Variants in PCDHA2 observed in about 807,000 individuals in gnomAD.
The protein encoded by PCDHA2 is protocadherin alpha-2.
PCDHA2 carries 58 observed loss-of-function variants against 66.0 expected under a neutral mutation model. That is an observed-to-expected ratio of 0.88 (90% CI 0.71 to 1.09). The LOEUF (loss-of-function observed/expected upper bound fraction) is 1.09, where lower values mean the gene tolerates loss of function less well. PCDHA2 is among the 50% of genes least tolerant of loss of function. The pLI, the probability that PCDHA2 is intolerant of heterozygous loss-of-function variation, is 0.00. For missense variants in PCDHA2, 1,267 were observed against 1,242.3 expected (o/e 1.02, Z -0.30); for synonymous variants, 634 against 554.0 (o/e 1.14, Z -2.03).
chr5:140,807,729 A>C (rs1554124228), intron 1 of PCDHA2: 7 of 1,614,208 alleles, frequency 4.3e-6, no homozygotes, highest in Non-Finnish European at 5.9e-6. Context: ...TTTTCTCTGG[A>C]AAAACCACCT....
In PCDHA2 at chr5:140,876,316, A is replaced by G. The variant is rs782671827; in HGVS notation, c.2388+78964A>G. ...TAATGGAGAAATTTCCTATGGGATC[A>G]AAATGATTTTGCCAGTGAGTGAGAA... is the stretch of plus-strand genomic sequence containing the variant. On this transcript the variant is annotated intron_variant, in intron 1 of 3. Transcript: ENST00000526136. 4 of 1,613,952 alleles carry G rather than the reference A, an allele frequency of 2.5e-6. No individual in the cohort carries two copies. Among genetic ancestry groups the G allele is most frequent in the Admixed American group, 3.3e-5 (2 of 60,018 alleles).
chr5:140,831,837 T>C (rs1771726817), intron 1 of PCDHA2, among the ~76,000 whole-genome samples: 1 of 152,194 alleles, frequency 6.6e-6, no homozygotes, highest in Non-Finnish European at 1.5e-5. Flanking sequence ...GTTTCAATGA[T>C]AGAATTGTCA....
chr5:140,883,403 T>G, intron 1 of PCDHA2: 1 of 1,614,168 alleles, frequency 6.2e-7, no homozygotes, highest in Non-Finnish European at 8.5e-7. Context: ...CGATCGTGAC[T>G]CTGGCTCAAA....
At chr5:140,836,023 G>A in intron 1 of PCDHA2, 7 of 1,613,414 alleles carry the variant, frequency 4.3e-6, no homozygotes, top group Non-Finnish European at 5.9e-6. Flanking sequence ...CCTCTGGGCA[G>A]CAACGTGACG....
chr5:140,942,532 A>G (rs1474733493), intron 1 of PCDHA2, among the ~76,000 whole-genome samples: 2 of 152,142 alleles, frequency 1.3e-5, no homozygotes, highest in Non-Finnish European at 2.9e-5. Context: ...CAACTAACTC[A>G]GTATGGTGGG....
intron 1 of PCDHA2, among the ~76,000 whole-genome samples, chr5:140,961,654 T>G (rs1554225528): frequency 6.6e-6 from 1 of 152,194 alleles, no homozygotes; most frequent in East Asian, 1.9e-4. Context: ...TGTGGTTAGT[T>G]TGAAGTTACC....
intron 3 of PCDHA2, among the ~76,000 whole-genome samples, chr5:141,006,369 G>A (rs2098270445): frequency 1.3e-5 from 2 of 151,784 alleles, no homozygotes; most frequent in Admixed American, 6.6e-5. Context: ...CCACCACCAC[G>A]CCCGGCTAAG....
In PCDHA2 at chr5:140,795,134, A is replaced by C. The variant is rs148377577; in HGVS notation, c.170A>C (p.Glu57Ala). ...GCGCAGGACCTGGGGCTGGAGCTGG[A>C]GGAGCTGGTGCCGCGCCTGTTCCGG... is the stretch of plus-strand genomic sequence containing the variant. ...RIAQDLGLEL[E>A]ELVPRLFRVA... is the part of the protein sequence containing the mutation. Residue 57 changes from glutamate to alanine, a missense_variant, in exon 1 of 4, where the codon GAG becomes GCG. Glu to Ala is a moderately radical substitution (Grantham distance 107). Transcript: ENST00000526136. 349 of 1,614,006 alleles carry C rather than the reference A, an allele frequency of 2.2e-4. 1 individual carries two copies. The African/African-American group carries it at 3.7e-3, about 17-fold the overall frequency.
rs2096251750 is a variant in PCDHA2 at position 140,968,509 on chromosome 5, C to T, written c.2389-10440C>T. 3 of 1,614,162 alleles carry T rather than the reference C, an allele frequency of 1.9e-6. No individual in the cohort carries two copies. In the South Asian group the frequency reaches 3.3e-5, roughly 18 times the overall value. On this transcript the variant is annotated intron_variant, in intron 1 of 3. Coordinates refer to ENST00000526136, the MANE Select transcript of PCDHA2 (RefSeq NM_018905.3). Reference sequence around the variant, plus strand: ...ATGACCATGCCCCTCACATTCTGTACCCTACCTCAACCAACTCGTCAGCAG... The same window carrying T: ...ATGACCATGCCCCTCACATTCTGTATCCTACCTCAACCAACTCGTCAGCAG...
intron 1 of PCDHA2, chr5:140,856,046 A>G (rs781911942): frequency 1.3e-6 from 2 of 1,582,372 alleles, no homozygotes; most frequent in East Asian, 2.2e-5. Flanking sequence ...AGAGAAGGAT[A>G]AGATGGTTTC....
chr5:140,884,745 A>G (rs1479357916), intron 1 of PCDHA2: 20 of 1,431,734 alleles, frequency 1.4e-5, no homozygotes, highest in Non-Finnish European at 1.7e-5. Context: ...TTTCCTGCCA[A>G]TTTCAAATTA....
At chr5:140,857,418 C>T in intron 1 of PCDHA2, 1 of 1,598,514 alleles carries the variant, frequency 6.3e-7, no homozygotes, top group South Asian at 1.1e-5. Context: ...TTCGCGCAGT[C>T]CGAGTACACG....
At position 140,842,682 on chromosome 5, in the gene PCDHA2, C is replaced by T. The variant is rs2150341934; in HGVS notation, c.2388+45330C>T. The stretch of plus-strand genomic sequence containing the variant: ...GCCGACGTGAACGACAATGCTCCGG[C>T]GTTCGCGCAGCCCGAGTACACGGTG... On this transcript the variant is annotated intron_variant, in intron 1 of 3. Coordinates refer to ENST00000526136, the MANE Select transcript of PCDHA2 (RefSeq NM_018905.3). 2.1e-5 allele frequency: 34 copies of T among 1,595,356 alleles called. 3 individuals are homozygous for T. The Middle Eastern group carries it at 5.3e-4, about 25-fold the overall frequency.
At chr5:140,804,280 T>C (rs1255280939) in intron 1 of PCDHA2, 1 of 152,170 alleles carries the variant, frequency 6.6e-6, no homozygotes, top group Non-Finnish European at 1.5e-5. Flanking sequence ...GAATTGCATC[T>C]TTGTTCATCT....
At chr5:140,935,850 G>A (rs2090589549) in intron 1 of PCDHA2, among the ~76,000 whole-genome samples, 1 of 149,422 alleles carries the variant, frequency 6.7e-6, no homozygotes, top group South Asian at 2.1e-4. Context: ...GCTTAATGGT[G>A]TCTTTTGATT....
At chr5:140,912,441 G>A (rs1460671133) in intron 1 of PCDHA2, among the ~76,000 whole-genome samples, 2 of 151,478 alleles carry the variant, frequency 1.3e-5, no homozygotes, top group Non-Finnish European at 2.9e-5. Flanking sequence ...GCTGATTTGT[G>A]TGCATTGATT....
At chr5:140,803,875 T>C in intron 1 of PCDHA2, 1 of 556,838 alleles carries the variant, frequency 1.8e-6, no homozygotes, top group East Asian at 3.0e-5. Flanking sequence ...ACAAATATTT[T>C]TTCTTAGATG....
At chr5:140,883,904 G>C in intron 1 of PCDHA2, 1 of 1,613,344 alleles carries the variant, frequency 6.2e-7, no homozygotes, top group Non-Finnish European at 8.5e-7. Context: ...GCCGCCTCTG[G>C]GCAGCAACGT....
chr5:140,851,135 A>G (rs782166459), intron 1 of PCDHA2: 3 of 1,314,088 alleles, frequency 2.3e-6, no homozygotes, highest in Admixed American at 2.9e-5. Flanking sequence ...ATTTGTGATT[A>G]AAGTGACATT....
Sources: gnomAD v4.1 joint callset for allele counts (sites outside exome capture counted in the v4.1 genomes callset) on GRCh38, gnomAD v4.1.1 for gene constraint, MANE v1.5 for transcripts, NCBI Gene and HGNC (gene_info 2026-07-23, HGNC 2026-07-21) for gene names.